Variants in CACNA1I observed in about 807,000 individuals in gnomAD.
The protein encoded by CACNA1I is voltage-dependent T-type calcium channel subunit alpha-1I.
CACNA1I carries 74 observed loss-of-function variants against 201.6 expected under a neutral mutation model. The observed-to-expected ratio is 0.37, with a 90% CI of 0.30 to 0.45. The LOEUF is 0.45. Among genes scored for constraint, CACNA1I ranks in the 20% least tolerant of loss-of-function variants. The pLI, the probability that CACNA1I is intolerant of heterozygous loss-of-function variation, is 1.00. For synonymous variants in CACNA1I, 1,431 were observed against 1,345.2 expected (o/e 1.06, Z -1.40); for missense variants, 2,346 against 3,138.1 (o/e 0.75, Z 6.03).
At position 39,667,999 on chromosome 22, in the gene CACNA1I, A is replaced by AT. The variant is rs1049602368; in HGVS notation, c.4105-284dup. Among the ~76,000 whole-genome samples the AT allele has an allele frequency of 2.6e-5, 4 of 151,648 alleles. No individual in the cohort carries two copies. The South Asian group carries it at 8.3e-4, about 32-fold the overall frequency. On this transcript the variant is annotated intron_variant, in intron 23 of 36. Transcript: ENST00000402142. ...TGGGTGAGGGGACAGGAGTTCATGA[A>AT]TTTTTTTTTGCCCAAGATCACACAG...
intron 3 of CACNA1I, among the ~76,000 whole-genome samples, chr22:39,609,558 A>C (rs1569060515): frequency 6.6e-6 from 1 of 152,208 alleles, no homozygotes; most frequent in Non-Finnish European, 1.5e-5. Flanking sequence ...GACAGGAAAG[A>C]AGGGTGAAGA....
Position 39,649,746 on chromosome 22 carries a change from C to T in CACNA1I, c.1813C>T (p.Leu605=). The change falls in exon 10 of 37, where the codon CTG becomes TTG. Residue 605 remains leucine (L), a synonymous_variant. Coordinates refer to ENST00000402142, the MANE Select transcript of CACNA1I (RefSeq NM_021096.4). The surrounding 1 kb of genome is among the most constrained non-coding windows in gnomAD (Gnocchi z 7.3). ...CAGCGAGGACGGAGCCTCCTCAGAA[C>T]TGGGGAAGGAGGAGGAGGAGGAGGA... ...RSSEDGASSE[L]GKEEEEEEQA... is the part of the protein sequence containing the mutation. The T allele has an allele frequency of 6.3e-7, 1 of 1,582,438 alleles. No homozygotes were observed. Among genetic ancestry groups the T allele is most frequent in the Non-Finnish European group, 8.6e-7 (1 of 1,164,514 alleles).
intron 10 of CACNA1I, among the ~76,000 whole-genome samples, chr22:39,657,702 C>T (rs145688170): frequency 3.9e-4 from 60 of 152,318 alleles, no homozygotes; most frequent in Middle Eastern, 3.4e-3. Flanking sequence ...GAAGTGATGG[C>T]TGTAAAATGC....
chr22:39,603,571 T>C (rs1299553088), intron 3 of CACNA1I, among the ~76,000 whole-genome samples: 1 of 152,168 alleles, frequency 6.6e-6, no homozygotes, highest in Non-Finnish European at 1.5e-5. Flanking sequence ...CCTGCTCTTG[T>C]TTTATAAATA....
chr22:39,587,847 C>A, intron 1 of CACNA1I: 7 of 375,442 alleles, frequency 1.9e-5, no homozygotes, highest in South Asian at 1.4e-4. Context: ...GTGATCTCGG[C>A]TCACTGCAAC....
chr22:39,686,469 A>G lies in CACNA1I; in HGVS notation c.*64A>G. 4 of 1,113,046 alleles carry G rather than the reference A, an allele frequency of 3.6e-6. No homozygotes were observed. Among genetic ancestry groups the G allele is most frequent in the Non-Finnish European group, 4.5e-6 (4 of 882,268 alleles). 68.9% of individuals were successfully genotyped at this position (1,113,046 alleles called of 1,614,324 possible). ...TCTCACCTTCTTTACCTCAGGAGCC[A>G]GGAGCAGACAGCAATACTTCGTCCA... On this transcript the variant is annotated 3_prime_UTR_variant, in exon 37 of 37. Coordinates refer to ENST00000402142, the MANE Select transcript of CACNA1I (RefSeq NM_021096.4).
chr22:39,656,311 T>C (rs1934817907), intron 10 of CACNA1I: 3 of 479,344 alleles, frequency 6.3e-6, no homozygotes, highest in Non-Finnish European at 1.3e-5. Context: ...GGGCTCCTGC[T>C]CTCGGTCCTC....
At chr22:39,621,286 C>T (rs916884377) in intron 4 of CACNA1I, among the ~76,000 whole-genome samples, 7 of 152,344 alleles carry the variant, frequency 4.6e-5, no homozygotes, top group African/African-American at 1.4e-4. Flanking sequence ...GCTTCTGTTT[C>T]CCCATCTGCC....
intron 1 of CACNA1I, among the ~76,000 whole-genome samples, chr22:39,595,746 G>A (rs1344466718): frequency 1.3e-5 from 2 of 152,076 alleles, no homozygotes; most frequent in Admixed American, 6.6e-5. Context: ...CTAATTTTGG[G>A]CCACAGTGGA....
chr22:39,663,697 GC>G lies in CACNA1I; in HGVS notation c.3474-16del, dbSNP rs1569089492. On this transcript the variant is annotated intron_variant, in intron 18 of 36. Coordinates refer to ENST00000402142, the MANE Select transcript of CACNA1I (RefSeq NM_021096.4). ...GTGGGAGGCAGCTGACGCTCAGGCA[GC>G]CCCCGCCCACCCTGCCCAGGTTCCG... is the stretch of plus-strand genomic sequence containing the variant. 6.3e-7 allele frequency: 1 copy of G among 1,592,618 alleles called. No homozygotes were observed. Among genetic ancestry groups the G allele is most frequent in the South Asian group, 1.1e-5 (1 of 90,718 alleles).
At chr22:39,680,529 C>T (rs1935672171) in intron 33 of CACNA1I, among the ~76,000 whole-genome samples, 1 of 152,324 alleles carries the variant, frequency 6.6e-6, no homozygotes, top group East Asian at 1.9e-4. Context: ...GTCTCTGGGC[C>T]CCGCAGTGTC....
intron 32 of CACNA1I, 53 bp downstream of exon 32, chr22:39,679,498 G>C: frequency 7.8e-7 from 1 of 1,282,760 alleles, no homozygotes; most frequent in East Asian, 2.7e-5. Flanking sequence ...GCACCGCAGG[G>C]CCAGATGGGC....
chr22:39,666,357 C>T lies in CACNA1I; in HGVS notation c.4104+351C>T, dbSNP rs1935195993. Among the ~76,000 whole-genome samples the T allele has an allele frequency of 6.6e-6, 1 of 152,118 alleles. No homozygotes were observed. The highest frequency in any genetic ancestry group is 2.1e-4 in the South Asian group (1 of 4,826). On this transcript the variant is annotated intron_variant, in intron 23 of 36. Coordinates refer to ENST00000402142, the MANE Select transcript of CACNA1I (RefSeq NM_021096.4). The surrounding 1 kb of genome is among the most constrained non-coding windows in gnomAD (Gnocchi z 4.1). The stretch of plus-strand genomic sequence containing the variant: ...CTCTGCCACCTTCTGTAGGTGTGGC[C>T]TCCCTGAGCCTCAGTTTCCTCATCT...
intron 1 of CACNA1I, among the ~76,000 whole-genome samples, chr22:39,582,659 A>T (rs965564812): frequency 6.6e-6 from 1 of 151,934 alleles, no homozygotes. Flanking sequence ...ATAGACTTGG[A>T]TTAGAACCCT....
chr22:39,610,102 T>C (rs2146381690), intron 3 of CACNA1I, among the ~76,000 whole-genome samples: 1 of 152,298 alleles, frequency 6.6e-6, no homozygotes, highest in South Asian at 2.1e-4. Context: ...AGGGAAGCCC[T>C]CCGAATGTCT....
chr22:39,622,560 G>A (rs1033526135), intron 4 of CACNA1I, among the ~76,000 whole-genome samples: 3 of 148,898 alleles, frequency 2.0e-5, no homozygotes, highest in African/African-American at 7.5e-5. Flanking sequence ...AGGTTAGCAA[G>A]TGGTTGCTTT....
intron 31 of CACNA1I, among the ~76,000 whole-genome samples, chr22:39,678,605 A>G (rs1453545983): frequency 1.3e-5 from 2 of 152,022 alleles, no homozygotes; most frequent in Non-Finnish European, 2.9e-5. Context: ...CACCCTGCAG[A>G]GCCCCCAGTG....
At chr22:39,679,674 AC>A (rs1026440154) in intron 32 of CACNA1I, 47 bp from the exon 33 acceptor site, 1 of 1,495,208 alleles carries the variant, frequency 6.7e-7, no homozygotes, top group African/African-American at 1.4e-5. Context: ...CAGCCCCGGG[AC>A]CCGGCTGATA....
In CACNA1I at chr22:39,660,512, G is replaced by A. The variant is rs748493876; in HGVS notation, c.2698+75G>A. 1.2e-4 allele frequency: 117 copies of A among 968,282 alleles called. 1 individual carries two copies. The highest frequency in any genetic ancestry group is 1.7e-4 in the Non-Finnish European group (108 of 639,938). The allele number at this position is 968,282 out of a possible 1,614,324, so 60.0% of individuals were successfully genotyped here. ...GATCCAGGTGGGCAGAGGGTACAGCGTCTGACTCCACCTCAAGCCCAGGCT... is the reference window on the plus strand; with the variant it reads ...GATCCAGGTGGGCAGAGGGTACAGCATCTGACTCCACCTCAAGCCCAGGCT... On this transcript the variant is annotated intron_variant, in intron 15 of 36. Coordinates refer to ENST00000402142, the MANE Select transcript of CACNA1I (RefSeq NM_021096.4).
Sources: allele counts gnomAD v4.1 joint callset (sites outside exome capture counted in the v4.1 genomes callset), GRCh38; gene constraint gnomAD v4.1.1; non-coding constraint Gnocchi (gnomAD v3.1); transcripts MANE v1.5; gene names NCBI Gene and HGNC (gene_info 2026-07-23, HGNC 2026-07-21).